The following GLB1L3 variants were observed in gnomAD, a reference collection of about 807,000 sequenced individuals.
GLB1L3 encodes galactosidase beta 1 like 3, also known as beta-galactosidase-1-like protein 3.
Under a neutral mutation model 89.5 loss-of-function variants are expected in GLB1L3, and 89 were observed. The ratio of observed to expected loss-of-function variants is 0.99; its 90% CI spans 0.84 to 1.19. The LOEUF is 1.19. GLB1L3 is among the 50% of genes most tolerant of loss of function. The pLI, the probability that GLB1L3 is intolerant of heterozygous loss-of-function variation, is 0.00. For missense variants in GLB1L3, 812 were observed against 813.3 expected (o/e 1.00, Z 0.02); for synonymous variants, 314 against 312.3 (o/e 1.01, Z -0.06).
At chr11:134,277,980 C>A in intron 3 of GLB1L3, 68 bp downstream of exon 3, 1 of 1,528,694 alleles carries the variant, frequency 6.5e-7, no homozygotes, top group African/African-American at 1.4e-5. Context: ...GGAACCTGAG[C>A]CTCCGATTTT....
chr11:134,277,854 G>A lies in GLB1L3; in HGVS notation c.304G>A (p.Glu102Lys). Residue 102 changes from glutamate to lysine, a missense_variant, in exon 3 of 20, where the codon GAG becomes AAG. Coordinates refer to ENST00000431683, the MANE Select transcript of GLB1L3 (RefSeq NM_001080407.3). ...GSIHYFRVPR[E>K]YWRDRLLKLK... ...CATCCACTATTTCCGGGTGCCCAGGGAGTACTGGAGGGACCGCCTGCTGAA... is the reference window on the plus strand; with the variant it reads ...CATCCACTATTTCCGGGTGCCCAGGAAGTACTGGAGGGACCGCCTGCTGAA... The A allele has an allele frequency of 6.2e-7, 1 of 1,614,032 alleles. No individual in the cohort carries two copies.
chr11:134,305,892 A>T (rs1394343588), intron 9 of GLB1L3, among the ~76,000 whole-genome samples: 2 of 152,176 alleles, frequency 1.3e-5, no homozygotes, highest in African/African-American at 4.8e-5. Context: ...GAAGGTAAAG[A>T]TGATCAAATT....
At chr11:134,308,209 C>CATCATCACT (rs1565412327) in intron 10 of GLB1L3, among the ~76,000 whole-genome samples, 3 of 29,792 alleles carry the variant, frequency 1.0e-4, no homozygotes, top group East Asian at 1.5e-3. Flanking sequence ...CCACTACCAC[C>CATCATCACT]ACCACCATCA....
rs1364764953 is a variant in GLB1L3 at position 134,277,684 on chromosome 11, C to G, written c.150-16C>G. ...CTCTCCCTTTCCACTTTCTTTCCCTCGCCCGCCCCCTCCAGGTTTAATTGG... is the reference window on the plus strand; with the variant it reads ...CTCTCCCTTTCCACTTTCTTTCCCTGGCCCGCCCCCTCCAGGTTTAATTGG... On this transcript the variant is annotated splice_polypyrimidine_tract_variant and intron_variant, in intron 2 of 19. Transcript: ENST00000431683. The G allele has an allele frequency of 6.3e-7, 1 of 1,591,982 alleles. No individual in the cohort carries two copies. Among genetic ancestry groups the G allele is most frequent in the Non-Finnish European group, 8.6e-7 (1 of 1,168,344 alleles).
chr11:134,285,664 C>T (rs1940940825), intron 6 of GLB1L3, among the ~76,000 whole-genome samples: 1 of 152,098 alleles, frequency 6.6e-6, no homozygotes, highest in South Asian at 2.1e-4. Flanking sequence ...CACCTGTAGT[C>T]CCAACTACTC....
intron 1 of GLB1L3, among the ~76,000 whole-genome samples, 189 bp downstream of exon 1, chr11:134,276,952 C>G (rs1316794510): frequency 2.0e-5 from 3 of 152,202 alleles, no homozygotes; most frequent in Non-Finnish European, 2.9e-5. Flanking sequence ...GCGGAGGGGC[C>G]GTTCACCAGA....
chr11:134,306,027 A>G (rs987815716), intron 9 of GLB1L3, among the ~76,000 whole-genome samples: 2 of 152,176 alleles, frequency 1.3e-5, no homozygotes, highest in Admixed American at 1.3e-4. Context: ...GACAAAGAGC[A>G]TGGAGGAAAG....
chr11:134,286,784 A>C (rs1020572425), intron 6 of GLB1L3, among the ~76,000 whole-genome samples: 1 of 149,966 alleles, frequency 6.7e-6, no homozygotes, highest in Non-Finnish European at 1.5e-5. Context: ...CTCAAAAAAT[A>C]AATAAATACA....
At chr11:134,308,580 T>G (rs1271978293) in intron 10 of GLB1L3, among the ~76,000 whole-genome samples, 2 of 94,146 alleles carry the variant, frequency 2.1e-5, no homozygotes, top group African/African-American at 4.4e-5. Context: ...ACCATCACCA[T>G]CACCATCATC....
downstream of GLB1L3, among the ~76,000 whole-genome samples, chr11:134,321,190 G>T (rs1437451016): frequency 6.6e-6 from 1 of 152,162 alleles, no homozygotes; most frequent in Non-Finnish European, 1.5e-5. Flanking sequence ...TGTGTAAAGC[G>T]AGAGGGATGT....
intron 10 of GLB1L3, 98 bp from the exon 11 acceptor site, chr11:134,309,528 G>T: frequency 1.2e-6 from 1 of 809,918 alleles, no homozygotes; most frequent in Non-Finnish European, 1.9e-6. Context: ...TACTGTAACT[G>T]ATTGTGGAGT....
chr11:134,307,215 G>T lies in GLB1L3; in HGVS notation c.961+7G>T. 6.2e-7 allele frequency: 1 copy of T among 1,602,198 alleles called. No individual in the cohort carries two copies. Among genetic ancestry groups the T allele is most frequent in the African/African-American group, 1.3e-5 (1 of 74,818 alleles). ...CATGTTAAAGATGCAAAGGGTGAGTGTTTTGCAGTGTTTGACTCCAGGAAG... is the reference window on the plus strand; with the variant it reads ...CATGTTAAAGATGCAAAGGGTGAGTTTTTTGCAGTGTTTGACTCCAGGAAG... On this transcript the variant is annotated splice_region_variant and intron_variant, in intron 10 of 19. Transcript: ENST00000431683.
At chr11:134,316,350 T>A (rs1591596809) in intron 18 of GLB1L3, among the ~76,000 whole-genome samples, 1 of 152,190 alleles carries the variant, frequency 6.6e-6, no homozygotes. Context: ...TATATTATAC[T>A]TTCTATTATA....
intron 15 of GLB1L3, 23 bp downstream of exon 15, chr11:134,312,910 T>A: frequency 6.6e-7 from 1 of 1,514,286 alleles, no homozygotes. Context: ...AGAGTCCAGG[T>A]GATGCCCTCG....
chr11:134,297,315 TA>T (rs1565403024), intron 9 of GLB1L3, among the ~76,000 whole-genome samples: 2 of 152,328 alleles, frequency 1.3e-5, no homozygotes, highest in African/African-American at 2.4e-5. Flanking sequence ...CATATTGCTT[TA>T]AAAAATTCAA....
chr11:134,295,479 C>T (rs1941581273), intron 9 of GLB1L3, among the ~76,000 whole-genome samples: 1 of 152,114 alleles, frequency 6.6e-6, no homozygotes, highest in South Asian at 2.1e-4. Context: ...TCTTTCAGTC[C>T]TAATATTGCT....
intron 10 of GLB1L3, among the ~76,000 whole-genome samples, chr11:134,308,184 CCAT>C (rs1565412143): frequency 4.6e-5 from 5 of 109,864 alleles, no homozygotes; most frequent in Non-Finnish European, 5.2e-5. Flanking sequence ...ACCACCATCA[CCAT>C]CATCACCATC....
chr11:134,321,964 A>T (rs188078804), downstream of GLB1L3, among the ~76,000 whole-genome samples: 2 of 152,362 alleles, frequency 1.3e-5, no homozygotes, highest in East Asian at 3.9e-4. Context: ...CAGTAGAATA[A>T]ATACAGATAT....
chr11:134,296,635 T>C (rs2136162649), intron 9 of GLB1L3, among the ~76,000 whole-genome samples: 1 of 135,062 alleles, frequency 7.4e-6, no homozygotes, highest in East Asian at 2.2e-4. Flanking sequence ...AGGTGGGAAC[T>C]GAACAATGAG....
Sources: gnomAD v4.1 joint callset for allele counts (sites outside exome capture counted in the v4.1 genomes callset) on GRCh38, gnomAD v4.1.1 for gene constraint, MANE v1.5 for transcripts, NCBI Gene and HGNC (gene_info 2026-07-23, HGNC 2026-07-21) for gene names.